The following AURKA variants were observed in gnomAD, a reference collection of about 807,000 sequenced individuals.
AURKA encodes aurora kinase A.
Under a neutral mutation model 40.9 loss-of-function variants are expected in AURKA, and 12 were observed. The observed-to-expected ratio is 0.29, with a 90% CI of 0.19 to 0.48. The LOEUF is 0.48. AURKA is among the 20% of genes least tolerant of loss of function. AURKA has a pLI of 0.99. For synonymous variants in AURKA, 170 were observed against 164.3 expected, an observed-to-expected ratio of 1.03 and a Z score of -0.26; for missense variants, 322 against 462.1, an observed-to-expected ratio of 0.70 and a Z score of 2.78.
intron 5 of AURKA, 135 bp downstream of exon 5, chr20:56,382,850 A>C: frequency 2.3e-6 from 2 of 887,046 alleles, no homozygotes; most frequent in Non-Finnish European, 1.8e-6. Flanking sequence ...GAGGTGAGGA[A>C]CGGGGCCATG....
chr20:56,370,368 A>G, intron 8 of AURKA, 28 bp from the exon 9 acceptor site: 1 of 1,614,198 alleles, frequency 6.2e-7, no homozygotes, highest in South Asian at 1.1e-5. Context: ...ATAAAATATC[A>G]CAAAACACAG....
intron 5 of AURKA, among the ~76,000 whole-genome samples, chr20:56,381,937 G>A (rs1328654727): frequency 2.6e-5 from 4 of 152,176 alleles, no homozygotes; most frequent in African/African-American, 4.8e-5. Flanking sequence ...AGGCCGAGGC[G>A]GGAGGATCGC....
intron 6 of AURKA, among the ~76,000 whole-genome samples, chr20:56,380,000 A>G (rs540759231): frequency 2.3e-4 from 35 of 150,308 alleles, no homozygotes; most frequent in African/African-American, 8.5e-4. Context: ...GTAAAAACAA[A>G]CCAAAAAAAA....
rs1986092958 is a variant in AURKA, at chr20:56,384,295, T to G, written c.349A>C (p.Lys117Gln). The G allele has an allele frequency of 6.2e-7, 1 of 1,601,976 alleles. No individual in the cohort carries two copies. ...TTTTTTGATTCTTCATTTTTCTGTT[T>G]TGATGCCAGTTCCTCCTCAGGATTA... is the stretch of plus-strand genomic sequence containing the variant. ...ENNPEEELAS[K>Q]QKNEESKKRQ... Residue 117 changes from lysine to glutamine, a missense_variant, in exon 4 of 9, where the codon AAA becomes CAA. By Grantham distance (53) the Lys-to-Gln change is moderately conservative. Coordinates refer to ENST00000395915, the MANE Select transcript of AURKA (RefSeq NM_198437.3).
intron 1 of AURKA, among the ~76,000 whole-genome samples, chr20:56,390,342 T>TG (rs1402752347): frequency 6.6e-6 from 1 of 151,880 alleles, no homozygotes; most frequent in Non-Finnish European, 1.5e-5. Context: ...AGTTTGCTCT[T>TG]GTTGCCCAGG....
chr20:56,392,014 TG>T (rs1987205293), intron 1 of AURKA, 153 bp downstream of exon 1: 2 of 151,614 alleles, frequency 1.3e-5, no homozygotes, highest in Non-Finnish European at 2.9e-5. Flanking sequence ...GCAAAGGCGC[TG>T]GGCGGGCACA....
intron 1 of AURKA, chr20:56,388,481 C>T (rs1986653601): frequency 2.0e-6 from 1 of 497,460 alleles, no homozygotes; most frequent in South Asian, 2.4e-5. Flanking sequence ...TCACTTCCAT[C>T]CCTGTGCAGC....
In AURKA at chr20:56,370,235, C is replaced by G. The variant is rs1442832751; in HGVS notation, c.1135G>C (p.Glu379Gln). The change falls in exon 9 of 9, where the codon GAA becomes CAA. Residue 379 changes from glutamate to glutamine, a missense_variant. By Grantham distance (29) the Glu-to-Gln change is conservative. Coordinates refer to ENST00000395915, the MANE Select transcript of AURKA (RefSeq NM_198437.3). ...SQRPMLREVLEHPWITANSSK... is the reference protein window; with the variant it reads ...SQRPMLREVLQHPWITANSSK... ...GAATTTGCTGTGATCCAGGGGTGTT[C>G]AAGTACTTCTCTGAGCATTGGCCTC... 1 of 1,614,056 alleles carries G rather than the reference C, an allele frequency of 6.2e-7. No homozygotes were observed. Among genetic ancestry groups the G allele is most frequent in the Non-Finnish European group, 8.5e-7 (1 of 1,180,024 alleles).
chr20:56,374,477 C>T (rs1343525068), intron 6 of AURKA, among the ~76,000 whole-genome samples: 1 of 152,082 alleles, frequency 6.6e-6, no homozygotes, highest in Non-Finnish European at 1.5e-5. Flanking sequence ...GAACAATAAA[C>T]AGAAACTAAA....
At position 56,381,573 on chromosome 20, in the gene AURKA, T is replaced by A; in HGVS notation, c.567-2A>T. 6.2e-7 allele frequency: 1 copy of A among 1,613,484 alleles called. No homozygotes were observed. Among genetic ancestry groups the A allele is most frequent in the Admixed American group, 1.7e-5 (1 of 60,010 alleles). ...TACAGTCTAAGAATATTAGGATGCC[T>A]GCAACAAAGGATAAACATTCTAACA... On this transcript the variant is annotated splice_acceptor_variant, in intron 5 of 8. Coordinates refer to ENST00000395915, the MANE Select transcript of AURKA (RefSeq NM_198437.3). LOFTEE classifies it high-confidence loss of function.
At chr20:56,382,382 G>T (rs967031656) in intron 5 of AURKA, among the ~76,000 whole-genome samples, 1 of 152,224 alleles carries the variant, frequency 6.6e-6, no homozygotes, top group Non-Finnish European at 1.5e-5. Context: ...GCCAGGCAGA[G>T]ACACACCAGG....
At chr20:56,381,186 T>G (rs1174464388) in intron 6 of AURKA, among the ~76,000 whole-genome samples, 10 of 152,220 alleles carry the variant, frequency 6.6e-5, no homozygotes, top group African/African-American at 2.4e-4. Flanking sequence ...ATATACATTA[T>G]ATACATTTCC....
rs1984526445 is a variant in AURKA at position 56,373,392 on chromosome 20, C to T, written c.854+16G>A. 1 of 1,612,858 alleles carries T rather than the reference C, an allele frequency of 6.2e-7. No individual in the cohort carries two copies. The highest frequency in any genetic ancestry group is 1.1e-5 in the South Asian group (1 of 91,016). On this transcript the variant is annotated intron_variant, in intron 7 of 8. Transcript: ENST00000395915. This position sits in a 1 kb window ranked among gnomAD's most constrained non-coding sequence, Gnocchi z 5.0. ...CTTTGGTAAACCAAACAACTTCCAC[C>T]TCTAAAGTTACATACCTGGAAGATG... is the stretch of plus-strand genomic sequence containing the variant.
intron 7 of AURKA, among the ~76,000 whole-genome samples, chr20:56,372,465 A>G (rs1033517544): frequency 6.6e-6 from 1 of 151,104 alleles, no homozygotes; most frequent in African/African-American, 2.4e-5. Flanking sequence ...CTGCGATTCC[A>G]TGAAGCCTGT....
At chr20:56,388,617 G>A (rs972949110) in intron 1 of AURKA, 7 of 211,136 alleles carry the variant, frequency 3.3e-5, no homozygotes, top group Non-Finnish European at 5.9e-5. Context: ...TTCGAGACCA[G>A]CCTGGCCAAC....
chr20:56,374,342 A>G (rs1003768823), intron 6 of AURKA, among the ~76,000 whole-genome samples: 1 of 149,810 alleles, frequency 6.7e-6, no homozygotes, highest in African/African-American at 2.4e-5. Context: ...TCTTTTTTAG[A>G]AAAAAAAAAT....
intron 4 of AURKA, 47 bp downstream of exon 4, chr20:56,384,223 T>C (rs376159982): frequency 3.4e-6 from 5 of 1,490,278 alleles, no homozygotes; most frequent in Non-Finnish European, 4.6e-6. Flanking sequence ...AACGAAATAA[T>C]ATATTCTAGT....
intron 6 of AURKA, among the ~76,000 whole-genome samples, chr20:56,377,668 T>A (rs540549206): frequency 2.0e-5 from 3 of 152,012 alleles, no homozygotes; most frequent in Admixed American, 6.6e-5. Flanking sequence ...GTGCCTGTAG[T>A]CCCAGCTACT....
intron 1 of AURKA, among the ~76,000 whole-genome samples, chr20:56,391,517 C>G (rs182113109): frequency 1.9e-3 from 296 of 151,802 alleles, no homozygotes; most frequent in African/African-American, 6.0e-3. Context: ...TGGGTCCTAC[C>G]CCTCAGAGAT....
Sources: allele counts gnomAD v4.1 joint callset (sites outside exome capture counted in the v4.1 genomes callset), GRCh38; gene constraint gnomAD v4.1.1; non-coding constraint Gnocchi (gnomAD v3.1); transcripts MANE v1.5; gene names NCBI Gene and HGNC (gene_info 2026-07-23, HGNC 2026-07-21).